Variants in PRKCB observed in about 807,000 individuals in gnomAD.
The protein encoded by PRKCB is protein kinase C beta type.
Under a neutral mutation model 81.5 loss-of-function variants are expected in PRKCB, and 13 were observed. The ratio of observed to expected loss-of-function variants is 0.16; its 90% CI spans 0.10 to 0.25. PRKCB has a LOEUF of 0.25. Among genes scored for constraint, PRKCB ranks in the 10% least tolerant of loss-of-function variants. The pLI is 1.00. For synonymous variants in PRKCB, 335 were observed against 321.4 expected (o/e 1.04, Z -0.45); for missense variants, 509 against 875.7 (o/e 0.58, Z 5.29).
Position 24,180,920 on chromosome 16 carries a change from GC to G in PRKCB, c.1530del (p.Glu511ArgfsTer2), listed in dbSNP as rs1967610624. 1 of 1,613,836 alleles carries G rather than the reference GC, an allele frequency of 6.2e-7. No individual in the cohort carries two copies. Among genetic ancestry groups the G allele is most frequent in the Non-Finnish European group, 8.5e-7 (1 of 1,179,942 alleles). On this transcript the variant is annotated frameshift_variant, in exon 13 of 17. Transcript: ENST00000643927. LOFTEE classifies it high-confidence loss of function. The stretch of plus-strand genomic sequence containing the variant: ...ATTCTGTGGCACTCCAGACTACATC[GC>G]CCCCGAGGTGAGAGCTGCTGGGCAC... ...KTFCGTPDYI[A>X]PEIIAYQPYG...
chr16:24,117,285 T>C (rs1329604708), intron 8 of PRKCB, among the ~76,000 whole-genome samples: 1 of 152,142 alleles, frequency 6.6e-6, no homozygotes, highest in Non-Finnish European at 1.5e-5. Context: ...TTCATGGTAG[T>C]GTGAGCTTGG....
At chr16:23,860,924 T>C (rs1485223211) in intron 2 of PRKCB, among the ~76,000 whole-genome samples, 3 of 151,996 alleles carry the variant, frequency 2.0e-5, no homozygotes, top group African/African-American at 7.2e-5. Flanking sequence ...AAAAATGTTT[T>C]TTTCTTTTAA....
At chr16:23,954,496 A>G (rs2141782292) in intron 2 of PRKCB, among the ~76,000 whole-genome samples, 1 of 152,372 alleles carries the variant, frequency 6.6e-6, no homozygotes, top group South Asian at 2.1e-4. Flanking sequence ...TCCATTGGGA[A>G]TGAGCTTACT....
At chr16:24,125,654 G>A (rs182776163) in intron 9 of PRKCB, among the ~76,000 whole-genome samples, 5 of 152,218 alleles carry the variant, frequency 3.3e-5, no homozygotes, top group African/African-American at 7.2e-5. Flanking sequence ...CCCTTTCTAA[G>A]GTCTAAGCTC....
intron 2 of PRKCB, among the ~76,000 whole-genome samples, chr16:23,841,649 CTTTTTTTTTT>C (rs59288831): frequency 1.7e-5 from 1 of 59,046 alleles, no homozygotes; most frequent in Non-Finnish European, 2.9e-5. Context: ...CACCACGGCC[CTTTTTTTTTT>C]TTTTTTTTTT....
chr16:24,218,585 G>A lies in PRKCB; in HGVS notation c.*3769G>A, dbSNP rs1000176883. 9 of 985,432 alleles carry A rather than the reference G, an allele frequency of 9.1e-6. No individual in the cohort carries two copies. Among genetic ancestry groups the A allele is most frequent in the Non-Finnish European group, 1.1e-5 (9 of 829,986 alleles). The allele number at this position is 985,432 out of a possible 1,614,324, so 61.0% of individuals were successfully genotyped here. On this transcript the variant is annotated 3_prime_UTR_variant, in exon 17 of 17. Coordinates refer to ENST00000643927, the MANE Select transcript of PRKCB (RefSeq NM_002738.7). ...CATAGAGACATTTTACCTATCTCAG[G>A]GGAGCAGCCACAAAGAAGCAAGTCT...
intron 2 of PRKCB, among the ~76,000 whole-genome samples, chr16:23,958,386 T>C (rs1211229281): frequency 6.6e-6 from 1 of 151,482 alleles, no homozygotes; most frequent in Non-Finnish European, 1.5e-5. Flanking sequence ...CTCACTGCAA[T>C]GTCTGCCTCC....
chr16:24,108,089 G>T (rs957533207), intron 7 of PRKCB, among the ~76,000 whole-genome samples: 2 of 152,072 alleles, frequency 1.3e-5, no homozygotes, highest in East Asian at 3.9e-4. Flanking sequence ...GCTTTCGATT[G>T]AGAGCCTTTA....
intron 3 of PRKCB, among the ~76,000 whole-genome samples, chr16:24,012,987 G>A (rs4788426): frequency 0.64 from 97,648 of 152,104 alleles, 31,420 homozygotes; most frequent in South Asian, 0.78. Context: ...TCTTCTGCAG[G>A]GCTTTTTAAC....
rs61310284 is a variant in PRKCB, at chr16:24,158,402, T to C, written c.1239+3545T>C. On this transcript the variant is annotated intron_variant, in intron 10 of 16. Transcript: ENST00000643927. ...TAGATAGGTTCTGTCATCATTCCCA[T>C]TGTGTAGACCAGGGGACTGAGGCCA... 6.2e-4 allele frequency among the ~76,000 whole-genome samples: 95 copies of C among 152,288 alleles called. 1 individual carries two copies. The East Asian group carries it at 0.018, about 28-fold the overall frequency.
intron 2 of PRKCB, among the ~76,000 whole-genome samples, chr16:23,953,468 G>A (rs188595557): frequency 1.3e-5 from 2 of 152,266 alleles, no homozygotes; most frequent in Admixed American, 1.3e-4. Flanking sequence ...GAAAGCATGG[G>A]GTATCACACC....
chr16:24,175,409 C>G (rs1443487087), intron 12 of PRKCB, among the ~76,000 whole-genome samples: 3 of 147,886 alleles, frequency 2.0e-5, no homozygotes, highest in Admixed American at 2.0e-4. Flanking sequence ...GGTGGGCATA[C>G]AGAAGTGAAT....
intron 2 of PRKCB, among the ~76,000 whole-genome samples, chr16:23,846,282 T>C (rs1214959423): frequency 6.6e-6 from 1 of 152,080 alleles, no homozygotes; most frequent in Non-Finnish European, 1.5e-5. Context: ...TTCTTTTTTT[T>C]TAATTATAAA....
rs1175042335 is a variant in PRKCB at position 24,067,956 on chromosome 16, AAAAG to A, written c.530-24833_530-24830del. Among the ~76,000 whole-genome samples the A allele has an allele frequency of 3.3e-5, 5 of 151,054 alleles. No individual in the cohort carries two copies. In the East Asian group the frequency reaches 5.8e-4, roughly 18 times the overall value. Reference sequence around the variant, plus strand: ...GACTCCGTCTCAAAAAAAAAAAAAAAAAAGAGAGAGAGAGAGAGCTGAGGAAGAG... The same window carrying A: ...GACTCCGTCTCAAAAAAAAAAAAAAAAGAGAGAGAGAGAGCTGAGGAAGAG... On this transcript the variant is annotated intron_variant, in intron 5 of 16. Transcript: ENST00000643927.
chr16:24,098,873 G>A (rs1002008557), intron 7 of PRKCB: 1 of 152,166 alleles, frequency 6.6e-6, no homozygotes, highest in Non-Finnish European at 1.5e-5. Flanking sequence ...AAATGCTCTA[G>A]CATGACATTA....
intron 5 of PRKCB, among the ~76,000 whole-genome samples, chr16:24,060,791 A>C (rs1002657808): frequency 7.9e-5 from 12 of 152,056 alleles, no homozygotes; most frequent in African/African-American, 2.7e-4. Flanking sequence ...ATCAGGTGAC[A>C]CCTCTGTTGC....
chr16:23,950,969 C>T (rs115466197), intron 2 of PRKCB, among the ~76,000 whole-genome samples: 131 of 152,334 alleles, frequency 8.6e-4, no homozygotes, highest in African/African-American at 2.9e-3. Flanking sequence ...AAGCCCTCTT[C>T]CCGCCTTGTC....
chr16:24,204,216 C>T (rs1968008225), intron 16 of PRKCB, among the ~76,000 whole-genome samples: 1 of 152,104 alleles, frequency 6.6e-6, no homozygotes, highest in Non-Finnish European at 1.5e-5. Flanking sequence ...GCTTAGGGGA[C>T]TTAGCTAACT....
At chr16:23,847,320 C>G (rs1962386125) in intron 2 of PRKCB, among the ~76,000 whole-genome samples, 2 of 16,876 alleles carry the variant, frequency 1.2e-4, no homozygotes, top group South Asian at 5.7e-3. Context: ...GATCCTGCCT[C>G]TATCTATCTA....
Sources: allele counts gnomAD v4.1 joint callset (sites outside exome capture counted in the v4.1 genomes callset), GRCh38; gene constraint gnomAD v4.1.1; transcripts MANE v1.5; gene names NCBI Gene and HGNC (gene_info 2026-07-23, HGNC 2026-07-21).